Variants in NRG1 observed in about 807,000 individuals in gnomAD.
NRG1 encodes neuregulin 1.
In NRG1, 18 loss-of-function variants were observed where a neutral mutation model predicts 63.8. The observed-to-expected ratio is 0.28, with a 90% CI of 0.19 to 0.42. The LOEUF (loss-of-function observed/expected upper bound fraction) is 0.42, where lower values mean the gene tolerates loss of function less well. Among genes scored for constraint, NRG1 ranks in the 10% least tolerant of loss-of-function variants. The pLI is 1.00. For synonymous variants in NRG1, 302 were observed against 301.3 expected (o/e 1.00, Z -0.02); for missense variants, 762 against 814.7 (o/e 0.94, Z 0.79).
At chr8:31,859,420 A>G (rs1015099322) in intron 1 of NRG1, among the ~76,000 whole-genome samples, 1 of 152,170 alleles carries the variant, frequency 6.6e-6, no homozygotes, top group Non-Finnish European at 1.5e-5. Flanking sequence ...TGTGATCTAT[A>G]CCTAATGATT....
intron 1 of NRG1, among the ~76,000 whole-genome samples, chr8:32,119,963 G>C (rs1833224143): frequency 6.6e-6 from 1 of 151,970 alleles, no homozygotes; most frequent in South Asian, 2.1e-4. Flanking sequence ...TGGCAACCTG[G>C]GTCAAAGTCC....
At position 31,641,073 on chromosome 8, in the gene NRG1, G is replaced by A. The variant is rs75930497; in HGVS notation, c.37+1642G>A. Among the ~76,000 whole-genome samples the A allele has an allele frequency of 4.5e-3, 689 of 152,296 alleles. 27 individuals are homozygous for A. The East Asian group carries it at 0.083, about 18-fold the overall frequency. Reference sequence around the variant, plus strand: ...AACTTGGCTTTGGTTAGGAGTTGCTGATTCTGGGCCTCCTTTGAAGGAGGA... The same window carrying A: ...AACTTGGCTTTGGTTAGGAGTTGCTAATTCTGGGCCTCCTTTGAAGGAGGA... On this transcript the variant is annotated intron_variant, in intron 1 of 10. Coordinates refer to the NRG1 transcript ENST00000519301.
chr8:32,405,276 T>C (rs975080031), intron 1 of NRG1, among the ~76,000 whole-genome samples: 4 of 152,196 alleles, frequency 2.6e-5, no homozygotes, highest in Non-Finnish European at 4.4e-5. Context: ...CACTCCTCAC[T>C]CTCCATTCAA....
intron 1 of NRG1, among the ~76,000 whole-genome samples, chr8:31,944,449 A>T (rs117729124): frequency 0.012 from 1,798 of 152,274 alleles, 12 homozygotes; most frequent in Admixed American, 0.018. Flanking sequence ...CAGTGCTGGG[A>T]TTCAACTCTA....
intron 1 of NRG1, among the ~76,000 whole-genome samples, chr8:31,702,291 A>G (rs1247904871): frequency 6.6e-6 from 1 of 152,140 alleles, no homozygotes; most frequent in Non-Finnish European, 1.5e-5. Context: ...ATACTTTCTA[A>G]AGCAGACATG....
intron 8 of NRG1, 58 bp downstream of exon 8, chr8:32,754,532 C>A: frequency 6.6e-7 from 1 of 1,514,400 alleles, no homozygotes. Context: ...GCTTAGATGG[C>A]CAGGGCTTTG....
intron 1 of NRG1, among the ~76,000 whole-genome samples, chr8:31,966,026 T>C (rs780446832): frequency 3.9e-5 from 6 of 152,086 alleles, no homozygotes; most frequent in Non-Finnish European, 8.8e-5. Flanking sequence ...TCTTAATTAT[T>C]TGAGTGTATA....
chr8:31,648,491 A>C (rs1804526460), intron 1 of NRG1, among the ~76,000 whole-genome samples: 1 of 152,144 alleles, frequency 6.6e-6, no homozygotes. Flanking sequence ...TTGTACAACT[A>C]TCACCATCAT....
intron 1 of NRG1, among the ~76,000 whole-genome samples, chr8:32,449,846 C>A (rs1820739973): frequency 2.6e-5 from 4 of 152,054 alleles, no homozygotes; most frequent in Admixed American, 2.6e-4. Flanking sequence ...AAGAAACATG[C>A]CATTCATGAA....
intron 1 of NRG1, among the ~76,000 whole-genome samples, chr8:31,802,570 T>C (rs1311978736): frequency 6.6e-6 from 1 of 152,150 alleles, no homozygotes; most frequent in Non-Finnish European, 1.5e-5. Context: ...ATGCTTCCTA[T>C]TTGTTTCTTC....
chr8:32,714,837 C>G (rs185156720), intron 5 of NRG1, among the ~76,000 whole-genome samples: 2 of 152,298 alleles, frequency 1.3e-5, no homozygotes, highest in Non-Finnish European at 2.9e-5. Flanking sequence ...CGTGCACGCA[C>G]AGTACTTTGG....
At chr8:32,380,205 T>C (rs897688033) in intron 1 of NRG1, among the ~76,000 whole-genome samples, 2 of 152,132 alleles carry the variant, frequency 1.3e-5, no homozygotes, top group African/African-American at 4.8e-5. Flanking sequence ...GAAATACTTT[T>C]TTTAATAATA....
At chr8:32,307,589 TTGTGTG>T (rs371611530) in intron 1 of NRG1, among the ~76,000 whole-genome samples, 2,015 of 93,532 alleles carry the variant, frequency 0.022, 18 homozygotes, top group Middle Eastern at 0.045. Context: ...ACCCAGGGGT[TTGTGTG>T]TGTGTGTGTG....
intron 1 of NRG1, among the ~76,000 whole-genome samples, chr8:32,224,560 T>C (rs150385167): frequency 6.6e-6 from 1 of 152,338 alleles, no homozygotes; most frequent in African/African-American, 2.4e-5. Flanking sequence ...GCTTAGGTCA[T>C]GCTTTCTCTA....
At chr8:32,218,561 C>T (rs1269939524) in intron 1 of NRG1, among the ~76,000 whole-genome samples, 1 of 152,180 alleles carries the variant, frequency 6.6e-6, no homozygotes, top group Non-Finnish European at 1.5e-5. Flanking sequence ...CTACTCTTGG[C>T]TCTATGCAGT....
At chr8:32,036,843 C>G (rs1046740178) in intron 1 of NRG1, among the ~76,000 whole-genome samples, 28 of 152,300 alleles carry the variant, frequency 1.8e-4, no homozygotes, top group African/African-American at 6.7e-4. Context: ...AATATTTTAT[C>G]ATGGTTCTTA....
chr8:31,658,347 T>A (rs1211074965), intron 1 of NRG1, among the ~76,000 whole-genome samples: 1 of 152,218 alleles, frequency 6.6e-6, no homozygotes, highest in East Asian at 1.9e-4. Context: ...AACTCCATGT[T>A]TCTAAACTTT....
intron 1 of NRG1, among the ~76,000 whole-genome samples, chr8:32,067,143 A>G (rs891304274): frequency 3.3e-5 from 5 of 152,166 alleles, no homozygotes; most frequent in Non-Finnish European, 7.3e-5. Context: ...AACAGGGACA[A>G]TTTGACTTCC....
intron 1 of NRG1, among the ~76,000 whole-genome samples, chr8:32,167,264 G>A (rs568822643): frequency 1.3e-5 from 2 of 152,134 alleles, no homozygotes; most frequent in Non-Finnish European, 2.9e-5. Flanking sequence ...ATTAAAAGTA[G>A]AAAGTTTTGG....
Sources: allele counts gnomAD v4.1 joint callset (sites outside exome capture counted in the v4.1 genomes callset), GRCh38; gene constraint gnomAD v4.1.1; transcripts MANE v1.5; gene names NCBI Gene and HGNC (gene_info 2026-07-23, HGNC 2026-07-21).